The following P2RY8 variants were observed in gnomAD, a reference collection of about 807,000 sequenced individuals.
P2RY8 encodes the protein P2Y receptor family member 8.
Under a neutral mutation model 10.0 loss-of-function variants are expected in P2RY8, and 6 were observed. The ratio of observed to expected loss-of-function variants is 0.60; its 90% CI spans 0.33 to 1.19. P2RY8 has a LOEUF of 1.19. Among genes scored for constraint, P2RY8 ranks in the 50% most tolerant of loss-of-function variants. P2RY8 has a pLI of 0.04. For missense variants in P2RY8, 456 were observed against 542.0 expected (o/e 0.84, Z 1.58); for synonymous variants, 276 against 252.5 (o/e 1.09, Z -0.88).
intron 1 of P2RY8, among the ~76,000 whole-genome samples, chrX:1,515,053 C>T (rs1301267374): frequency 4.3e-4 from 65 of 149,950 alleles, no homozygotes; most frequent in African/African-American, 1.5e-3. Context: ...GGATTACAGG[C>T]ACCCACCACC....
At chrX:1,534,517 G>A (rs1374888561) in intron 1 of P2RY8, among the ~76,000 whole-genome samples, 2 of 151,986 alleles carry the variant, frequency 1.3e-5, no homozygotes, top group Admixed American at 1.3e-4. Flanking sequence ...CTCCTAACCC[G>A]AGAGAGGAAG....
intron 1 of P2RY8, among the ~76,000 whole-genome samples, chrX:1,484,123 A>G (rs1187308178): frequency 6.6e-6 from 1 of 152,046 alleles, no homozygotes; most frequent in East Asian, 1.9e-4. Flanking sequence ...GGGCTCCCCT[A>G]AACTCAGGAA....
chrX:1,512,496 G>A (rs1179423417), intron 1 of P2RY8, among the ~76,000 whole-genome samples: 3 of 137,600 alleles, frequency 2.2e-5, no homozygotes, highest in South Asian at 4.6e-4. Context: ...GCAGTGGGCT[G>A]AGATCATGCC....
chrX:1,509,119 C>G (rs765216643), intron 1 of P2RY8, among the ~76,000 whole-genome samples: 102 of 151,838 alleles, frequency 6.7e-4, no homozygotes, highest in African/African-American at 1.6e-3. Flanking sequence ...ATCTATCTAT[C>G]TATCTATCTA....
chrX:1,499,033 C>G (rs1261678889), intron 1 of P2RY8, among the ~76,000 whole-genome samples: 1 of 151,930 alleles, frequency 6.6e-6, no homozygotes, highest in Non-Finnish European at 1.5e-5. Context: ...CAGGGTTTCA[C>G]CATGTTGCCC....
At chrX:1,524,890 TATCCATCC>T (rs567762716) in intron 1 of P2RY8, among the ~76,000 whole-genome samples, 4 of 110,796 alleles carry the variant, frequency 3.6e-5, no homozygotes, top group South Asian at 2.8e-4. Context: ...TCCATCCATC[TATCCATCC>T]ATCCATCCAT....
chrX:1,504,855 A>G (rs2092215705), intron 1 of P2RY8, among the ~76,000 whole-genome samples: 1 of 145,974 alleles, frequency 6.9e-6, no homozygotes, highest in African/African-American at 2.6e-5. Context: ...GGCATTGGCC[A>G]GGCGTGGTGG....
chrX:1,505,888 C>T (rs1254396410), intron 1 of P2RY8, among the ~76,000 whole-genome samples: 3 of 152,042 alleles, frequency 2.0e-5, no homozygotes, highest in African/African-American at 7.2e-5. Flanking sequence ...GTGTAAAATT[C>T]CTTGAGTATT....
In P2RY8 at chrX:1,465,613, C is replaced by G. The variant is rs144968922; in HGVS notation, c.946G>C (p.Asp316His). Residue 316 changes from aspartate (D) to histidine (H), a missense_variant, in exon 2 of 2, where the codon GAC becomes CAC. Coordinates refer to ENST00000381297, the MANE Select transcript of P2RY8 (RefSeq NM_178129.5). ...CTCTCGCGGCGCGTGTCCAGGGTGT[C>G]TCTGGGCACCCGGCGGCAGCCCAAA... ...EYLGCRRVPR[D>H]TLDTRRESLF... The G allele has an allele frequency of 5.6e-6, 9 of 1,613,212 alleles. No individual in the cohort carries two copies. Among genetic ancestry groups the G allele is most frequent in the African/African-American group, 1.3e-5 (1 of 74,922 alleles).
chrX:1,469,555 T>C (rs1229276085), intron 1 of P2RY8, among the ~76,000 whole-genome samples: 2 of 151,858 alleles, frequency 1.3e-5, no homozygotes, highest in Non-Finnish European at 2.9e-5. Context: ...CTCTTGAGGG[T>C]CTGTGTGTAT....
chrX:1,474,326 A>C (rs1406556112), intron 1 of P2RY8, among the ~76,000 whole-genome samples: 1 of 131,094 alleles, frequency 7.6e-6, no homozygotes, highest in Non-Finnish European at 1.7e-5. Context: ...TGGATAGATG[A>C]ATAGGTGTAT....
chrX:1,530,065 C>T (rs2092462036), intron 1 of P2RY8, among the ~76,000 whole-genome samples: 1 of 150,784 alleles, frequency 6.6e-6, no homozygotes, highest in African/African-American at 2.4e-5. Context: ...GAGAATCTCT[C>T]CTCTCTCTCT....
chrX:1,500,416 T>C (rs1296018097), intron 1 of P2RY8, among the ~76,000 whole-genome samples: 2 of 151,886 alleles, frequency 1.3e-5, no homozygotes, highest in Non-Finnish European at 2.9e-5. Context: ...TAGCTGGGAC[T>C]ACAGGCGTGC....
chrX:1,487,610 C>T (rs1433721997), intron 1 of P2RY8, among the ~76,000 whole-genome samples: 1 of 152,132 alleles, frequency 6.6e-6, no homozygotes, highest in Non-Finnish European at 1.5e-5. Flanking sequence ...GAACTCTGCA[C>T]CTGTCTCTGG....
At chrX:1,469,170 C>T (rs1389520565) in intron 1 of P2RY8, among the ~76,000 whole-genome samples, 2 of 128,072 alleles carry the variant, frequency 1.6e-5, no homozygotes, top group African/African-American at 3.1e-5. Context: ...CCTTTCCTCT[C>T]CCCTCTCCCC....
intron 1 of P2RY8, among the ~76,000 whole-genome samples, chrX:1,468,755 T>TCCC (rs1397598124): frequency 0.014 from 7 of 514 alleles, no homozygotes; most frequent in East Asian, 0.12. Flanking sequence ...CTCTCTCCCC[T>TCCC]CTCCCCTCTC....
chrX:1,529,435 C>T (rs1401507086), intron 1 of P2RY8, among the ~76,000 whole-genome samples: 1 of 152,000 alleles, frequency 6.6e-6, no homozygotes. Flanking sequence ...TTCAGAATTG[C>T]GGGAGATTCT....
chrX:1,506,236 G>A (rs1298626549), intron 1 of P2RY8, among the ~76,000 whole-genome samples: 9 of 151,958 alleles, frequency 5.9e-5, no homozygotes, highest in Non-Finnish European at 1.0e-4. Context: ...TAGACGACCC[G>A]CCTGCCTGAG....
intron 1 of P2RY8, among the ~76,000 whole-genome samples, chrX:1,524,840 T>C (rs2092428716): frequency 1.8e-5 from 2 of 111,638 alleles, no homozygotes; most frequent in Admixed American, 8.9e-5. Context: ...CATCCATCCA[T>C]CCATCCATCC....
Sources: gnomAD v4.1 joint callset for allele counts (sites outside exome capture counted in the v4.1 genomes callset) on GRCh38, gnomAD v4.1.1 for gene constraint, MANE v1.5 for transcripts, NCBI Gene and HGNC (gene_info 2026-07-23, HGNC 2026-07-21) for gene names.